The following PCDHGB2 variants were observed in gnomAD, a reference collection of about 807,000 sequenced individuals.
PCDHGB2 encodes the protein protocadherin gamma subfamily B, 2.
Under a neutral mutation model 59.3 loss-of-function variants are expected in PCDHGB2, and 55 were observed. The observed-to-expected ratio is 0.93, with a 90% confidence interval of 0.75 to 1.16. The LOEUF is 1.16. PCDHGB2 is among the 50% of genes most tolerant of loss of function. PCDHGB2 has a pLI of 0.00. For synonymous variants in PCDHGB2, 516 were observed against 512.0 expected (o/e 1.01, Z -0.11); for missense variants, 1,228 against 1,198.5 (o/e 1.02, Z -0.36).
At chr5:141,466,058 C>T (rs970494567) in intron 1 of PCDHGB2, among the ~76,000 whole-genome samples, 2 of 152,046 alleles carry the variant, frequency 1.3e-5, no homozygotes, top group African/African-American at 4.8e-5. Flanking sequence ...GGAGACGGAG[C>T]TTGCAGTGAG....
At chr5:141,409,979 G>T in intron 1 of PCDHGB2, 1 of 1,613,348 alleles carries the variant, frequency 6.2e-7, no homozygotes, top group Non-Finnish European at 8.5e-7. Flanking sequence ...TAAGGTGGTA[G>T]CGGTGGACGC....
chr5:141,418,696 T>C, intron 1 of PCDHGB2: 1 of 1,614,034 alleles, frequency 6.2e-7, no homozygotes, highest in Non-Finnish European at 8.5e-7. Context: ...AGATCACTTA[T>C]TCCTTCTTTG....
At chr5:141,453,490 G>T (rs921556476) in intron 1 of PCDHGB2, among the ~76,000 whole-genome samples, 3 of 151,922 alleles carry the variant, frequency 2.0e-5, no homozygotes, top group African/African-American at 7.3e-5. Context: ...TTAAAAAAAG[G>T]TGTACTCAGA....
At chr5:141,416,200 T>G (rs1318033556) in intron 1 of PCDHGB2, 2 of 152,444 alleles carry the variant, frequency 1.3e-5, no homozygotes, top group African/African-American at 4.8e-5. Context: ...ATTAACAATT[T>G]ATTTATAACA....
At position 141,489,193 on chromosome 5, in the gene PCDHGB2, G is replaced by A; in HGVS notation, c.2422-5614G>A. The A allele has an allele frequency of 2.2e-6, 3 of 1,369,230 alleles. No individual in the cohort carries two copies. Among genetic ancestry groups the A allele is most frequent in the Non-Finnish European group, 3.0e-6 (3 of 1,000,290 alleles). 84.8% of individuals were successfully genotyped at this position (1,369,230 alleles called of 1,614,324 possible). On this transcript the variant is annotated intron_variant, in intron 1 of 3. Coordinates refer to ENST00000522605, the MANE Select transcript of PCDHGB2 (RefSeq NM_018923.3). The surrounding 1 kb of genome is among the most constrained non-coding windows in gnomAD (Gnocchi z 4.5). ...GCATTCCAAGCCCTGGGTCTACCTT[G>A]GAGACAGGACAGCACAGACTTACTC...
chr5:141,408,914 A>G lies in PCDHGB2; in HGVS notation c.2421+46358A>G, dbSNP rs776105035. ...AATTTCTGTCAAGGATACCAATGAT[A>G]ACCCCCCGGTTTTCAGCAGAGACGA... On this transcript the variant is annotated intron_variant, in intron 1 of 3. Coordinates refer to ENST00000522605, the MANE Select transcript of PCDHGB2 (RefSeq NM_018923.3). The G allele has an allele frequency of 1.2e-5, 20 of 1,613,446 alleles. No homozygotes were observed. The South Asian group carries it at 2.1e-4, about 17-fold the overall frequency.
In PCDHGB2 at chr5:141,360,326, G is replaced by A. The variant is rs1761537998; in HGVS notation, c.191G>A (p.Arg64Gln). 2.5e-6 allele frequency: 4 copies of A among 1,613,816 alleles called. No individual in the cohort carries two copies. The highest frequency in any genetic ancestry group is 2.5e-6 in the Non-Finnish European group (3 of 1,179,882). The change falls in exon 1 of 4, where the codon CGG becomes CAG. Residue 64 changes from arginine (R) to glutamine (Q), a missense_variant. Transcript: ENST00000522605. ...LGLSVRDLPA[R>Q]KLRVSAEKEY... The stretch of plus-strand genomic sequence containing the variant: ...CTCAGCGTCCGGGACTTGCCAGCCC[G>A]GAAGCTGCGGGTTAGCGCGGAGAAG...
chr5:141,409,657 C>T (rs13184346), intron 1 of PCDHGB2: 1 of 1,613,620 alleles, frequency 6.2e-7, no homozygotes, highest in Non-Finnish European at 8.5e-7. Context: ...GGCTCAATGG[C>T]CACATCTCCT....
chr5:141,477,438 C>G lies in PCDHGB2; in HGVS notation c.2422-17369C>G. 6.2e-7 allele frequency: 1 copy of G among 1,614,174 alleles called. No homozygotes were observed. Among genetic ancestry groups the G allele is most frequent in the Non-Finnish European group, 8.5e-7 (1 of 1,180,030 alleles). On this transcript the variant is annotated intron_variant, in intron 1 of 3. Coordinates refer to ENST00000522605, the MANE Select transcript of PCDHGB2 (RefSeq NM_018923.3). The surrounding 1 kb of genome is among the most constrained non-coding windows in gnomAD (Gnocchi z 4.9). ...GGAACCCCTTCCCTCTCAGCCCTTACAATAGTGCGTGTTCAAGTGTCCGAC... is the reference window on the plus strand; with the variant it reads ...GGAACCCCTTCCCTCTCAGCCCTTAGAATAGTGCGTGTTCAAGTGTCCGAC...
intron 1 of PCDHGB2, chr5:141,430,760 A>C: frequency 1.3e-6 from 2 of 1,505,596 alleles, no homozygotes; most frequent in Non-Finnish European, 8.9e-7. Context: ...GAAGATAAGA[A>C]TGATTCCTGC....
intron 1 of PCDHGB2, chr5:141,396,003 T>G (rs749303972): frequency 2.0e-5 from 3 of 152,232 alleles, no homozygotes; most frequent in Admixed American, 6.5e-5. Flanking sequence ...TTTAAACTGT[T>G]GAAAGTGACT....
At chr5:141,449,148 T>C (rs570694341) in intron 1 of PCDHGB2, among the ~76,000 whole-genome samples, 20 of 152,268 alleles carry the variant, frequency 1.3e-4, no homozygotes, top group African/African-American at 4.8e-4. Flanking sequence ...AATTGCTGGG[T>C]CAAAGAGGAA....
intron 1 of PCDHGB2, chr5:141,366,035 A>G (rs1376798925): frequency 1.2e-6 from 2 of 1,614,210 alleles, no homozygotes; most frequent in Admixed American, 1.7e-5. Flanking sequence ...CGCCCTCCCC[A>G]CAGACGGTTC....
Position 141,431,145 on chromosome 5 carries a change from A to G in PCDHGB2, c.2422-63662A>G. The G allele has an allele frequency of 1.2e-6, 2 of 1,614,244 alleles. No homozygotes were observed. Among genetic ancestry groups the G allele is most frequent in the Non-Finnish European group, 1.7e-6 (2 of 1,180,042 alleles). On this transcript the variant is annotated intron_variant, in intron 1 of 3. Transcript: ENST00000522605. The surrounding 1 kb of genome is among the most constrained non-coding windows in gnomAD (Gnocchi z 4.8). ...GTAGAAGTAAGGGACATTAACGACA[A>G]TGCGCCTTACTTTCGTGAAAGTGAA... is the stretch of plus-strand genomic sequence containing the variant.
chr5:141,395,111 T>A, intron 1 of PCDHGB2: 1 of 1,613,670 alleles, frequency 6.2e-7, no homozygotes, highest in Non-Finnish European at 8.5e-7. Flanking sequence ...CGCGGAAGAG[T>A]CACCTGATCT....
Position 141,406,695 on chromosome 5 carries a change from A to T in PCDHGB2, c.2421+44139A>T, listed in dbSNP as rs62378452. Among the ~76,000 whole-genome samples, 1,219 of 152,310 alleles carry T rather than the reference A, an allele frequency of 8.0e-3. 8 individuals are homozygous for T. Among genetic ancestry groups the T allele is most frequent in the Non-Finnish European group, 0.011 (770 of 68,010 alleles). Reference sequence around the variant, plus strand: ...GAATAGTAGGACATTCTTCTTTTCTATAGTATATGCTTGCTCAAGAGAAGT... The same window carrying T: ...GAATAGTAGGACATTCTTCTTTTCTTTAGTATATGCTTGCTCAAGAGAAGT... On this transcript the variant is annotated intron_variant, in intron 1 of 3. Coordinates refer to ENST00000522605, the MANE Select transcript of PCDHGB2 (RefSeq NM_018923.3).
chr5:141,451,676 G>A (rs1363843426), intron 1 of PCDHGB2, among the ~76,000 whole-genome samples: 1 of 152,142 alleles, frequency 6.6e-6, no homozygotes, highest in African/African-American at 2.4e-5. Flanking sequence ...GAGCCCAGGA[G>A]TTCAAGACCA....
At position 141,476,356 on chromosome 5, in the gene PCDHGB2, C is replaced by T. The variant is rs757679991; in HGVS notation, c.2422-18451C>T. The stretch of plus-strand genomic sequence containing the variant: ...CTAGCCGAAGATTCTTTGAGGTGAA[C>T]CGGGAGACCGGAGAGATGTTTGTGA... On this transcript the variant is annotated intron_variant, in intron 1 of 3. Coordinates refer to ENST00000522605, the MANE Select transcript of PCDHGB2 (RefSeq NM_018923.3). This position sits in a 1 kb window ranked among gnomAD's most constrained non-coding sequence, Gnocchi z 7.6. 6 of 1,613,958 alleles carry T rather than the reference C, an allele frequency of 3.7e-6. No individual in the cohort carries two copies. The African/African-American group carries it at 4.0e-5, about 11-fold the overall frequency.
rs374655655 is a variant in PCDHGB2, at chr5:141,431,023, C to A, written c.2422-63784C>A. 1 of 1,613,748 alleles carries A rather than the reference C, an allele frequency of 6.2e-7. No homozygotes were observed. The highest frequency in any genetic ancestry group is 2.2e-5 in the East Asian group (1 of 44,862). On this transcript the variant is annotated intron_variant, in intron 1 of 3. Coordinates refer to ENST00000522605, the MANE Select transcript of PCDHGB2 (RefSeq NM_018923.3). The surrounding 1 kb of genome is among the most constrained non-coding windows in gnomAD (Gnocchi z 4.8). ...GCAGCGGCAGCTTGGTCACGGCGGG[C>A]AGGATAGACCGGGAGGAGCTCTGTA...
Sources: allele counts gnomAD v4.1 joint callset (sites outside exome capture counted in the v4.1 genomes callset), GRCh38; gene constraint gnomAD v4.1.1; non-coding constraint Gnocchi (gnomAD v3.1); transcripts MANE v1.5; gene names NCBI Gene and HGNC (gene_info 2026-07-23, HGNC 2026-07-21).